PDE8B: variants seen among roughly 807,000 people sequenced by gnomAD.
PDE8B encodes phosphodiesterase 8B.
A neutral mutation model predicts 101.3 loss-of-function variants in PDE8B; 26 were observed. That is an observed-to-expected ratio of 0.26 (90% CI 0.19 to 0.36). The LOEUF is 0.36. Among genes scored for constraint, PDE8B ranks in the 10% least tolerant of loss-of-function variants. The pLI is 1.00. For synonymous variants in PDE8B, 424 were observed against 429.3 expected, an observed-to-expected ratio of 0.99 and a Z score of 0.15; for missense variants, 810 against 1,163.1, an observed-to-expected ratio of 0.70 and a Z score of 4.42.
chr5:77,147,936 G>A, the PDE8B span: 1 of 152,190 alleles, frequency 6.6e-6, no homozygotes, highest in African/African-American at 2.4e-5. Context: ...TCATTATGGA[G>A]CTAAACACAT....
intron 20 of PDE8B, among the ~76,000 whole-genome samples, chr5:77,423,157 C>T (rs1797050073): frequency 6.6e-6 from 1 of 152,194 alleles, no homozygotes; most frequent in Non-Finnish European, 1.5e-5. Context: ...TAATGGCCTC[C>T]AGCTCTAGCC....
chr5:77,377,278 A>T (rs1786316363), intron 10 of PDE8B, among the ~76,000 whole-genome samples: 1 of 152,212 alleles, frequency 6.6e-6, no homozygotes, highest in South Asian at 2.1e-4. Context: ...GAGAAGGCAA[A>T]GAGAACCAGC....
In PDE8B at chr5:77,290,783, G is replaced by A. The variant is rs556412902; in HGVS notation, c.340-21211G>A. On this transcript the variant is annotated intron_variant, in intron 1 of 21. Coordinates refer to ENST00000264917, the MANE Select transcript of PDE8B (RefSeq NM_003719.5). The stretch of plus-strand genomic sequence containing the variant: ...CGGCATTCAATTTCCCTGTGGCAGT[G>A]TATGGTTGGAACAACGCCATTGTCA... The A allele has an allele frequency of 8.8e-5, 131 of 1,483,070 alleles. 1 individual carries two copies. The South Asian group carries it at 1.4e-3, about 16-fold the overall frequency. 91.9% of individuals were successfully genotyped at this position (1,483,070 alleles called of 1,614,324 possible). A position where few individuals can be genotyped will look rare whatever the true frequency, so the allele number is the denominator to read the frequency against.
chr5:77,218,784 T>C (rs1470204535), intron 1 of PDE8B, among the ~76,000 whole-genome samples: 2 of 152,246 alleles, frequency 1.3e-5, no homozygotes, highest in East Asian at 3.8e-4. Flanking sequence ...AAATAGTAGC[T>C]GCTCTTATTT....
At chr5:77,151,847 T>G in the PDE8B span, 2 of 152,270 alleles carry the variant, frequency 1.3e-5, no homozygotes, top group Non-Finnish European at 2.9e-5. Flanking sequence ...TTTTAAAATT[T>G]CAGCCTATGC....
chr5:77,406,138 T>G (rs1793385701), intron 12 of PDE8B, among the ~76,000 whole-genome samples: 1 of 151,888 alleles, frequency 6.6e-6, no homozygotes, highest in Non-Finnish European at 1.5e-5. Context: ...AATACAAAAT[T>G]AGCTGGGTGT....
At chr5:77,183,312 G>C in the PDE8B span, among the ~76,000 whole-genome samples, 2 of 152,000 alleles carry the variant, frequency 1.3e-5, no homozygotes, top group Non-Finnish European at 2.9e-5. Context: ...TAGAGACAGG[G>C]TTTCACCATG....
the PDE8B span, among the ~76,000 whole-genome samples, chr5:77,122,983 T>C: frequency 6.6e-6 from 1 of 152,150 alleles, no homozygotes; most frequent in South Asian, 2.1e-4. Context: ...TTATACAAAG[T>C]GTTGTCATTG....
At chr5:77,099,906 G>C in the PDE8B span, among the ~76,000 whole-genome samples, 1 of 152,046 alleles carries the variant, frequency 6.6e-6, no homozygotes, top group Non-Finnish European at 1.5e-5. Context: ...CACAACGCCC[G>C]GCCCGGGGTG....
chr5:77,126,022 C>T, the PDE8B span, among the ~76,000 whole-genome samples: 2 of 152,208 alleles, frequency 1.3e-5, no homozygotes, highest in African/African-American at 4.8e-5. Context: ...CTCAGTGGCT[C>T]ACGCCTGTAA....
chr5:77,381,544 T>G (rs1787454099), intron 10 of PDE8B, among the ~76,000 whole-genome samples: 2 of 152,206 alleles, frequency 1.3e-5, no homozygotes, highest in South Asian at 4.1e-4. Flanking sequence ...CTTACTTGTT[T>G]GTTATTGTAC....
Position 77,246,192 on chromosome 5 carries a change from T to A in PDE8B, c.339+34928T>A, listed in dbSNP as rs1338658107. ...TTTCCTCCTCAATTGGTCATAATAT[T>A]AAAAAAAAATGCATTTTAGGTCATT... On this transcript the variant is annotated intron_variant, in intron 1 of 21. Transcript: ENST00000264917. Among the ~76,000 whole-genome samples, 5 of 151,284 alleles carry A rather than the reference T, an allele frequency of 3.3e-5. No individual in the cohort carries two copies. The South Asian group carries it at 6.3e-4, about 19-fold the overall frequency.
the PDE8B span, among the ~76,000 whole-genome samples, chr5:77,136,640 T>TG: frequency 6.6e-6 from 1 of 152,306 alleles, no homozygotes; most frequent in South Asian, 2.1e-4. Context: ...GCTTTGTCAA[T>TG]GGGAGAAACT....
chr5:77,378,054 T>C (rs1581348554), intron 10 of PDE8B, among the ~76,000 whole-genome samples: 1 of 127,970 alleles, frequency 7.8e-6, no homozygotes. Context: ...ACACACCCCC[T>C]GTTGGTTCTT....
At chr5:77,229,728 A>G (rs1054550599) in intron 1 of PDE8B, among the ~76,000 whole-genome samples, 3 of 152,180 alleles carry the variant, frequency 2.0e-5, no homozygotes, top group African/African-American at 4.8e-5. Context: ...TTCAGTTAGC[A>G]TGATGTTTCA....
At chr5:77,186,780 T>G in the PDE8B span, among the ~76,000 whole-genome samples, 1 of 152,132 alleles carries the variant, frequency 6.6e-6, no homozygotes, top group African/African-American at 2.4e-5. Flanking sequence ...CCTTCATCTT[T>G]GGCAACTATG....
At chr5:77,353,955 A>C (rs980487215) in intron 10 of PDE8B, among the ~76,000 whole-genome samples, 3 of 152,236 alleles carry the variant, frequency 2.0e-5, no homozygotes, top group Non-Finnish European at 2.9e-5. Context: ...CTATTTGATT[A>C]GTACTTTTAC....
intron 4 of PDE8B, 195 bp from the exon 5 acceptor site, chr5:77,331,207 T>G: frequency 1.4e-6 from 1 of 689,738 alleles, no homozygotes. Context: ...CTCTGCTGTT[T>G]TTGTTCTTTT....
chr5:77,365,300 T>C (rs1783920494), intron 10 of PDE8B, among the ~76,000 whole-genome samples: 1 of 152,210 alleles, frequency 6.6e-6, no homozygotes, highest in Admixed American at 6.5e-5. Context: ...TCTGATGTAC[T>C]GCTGAGGGTG....
Sources: gnomAD v4.1 joint callset for allele counts (sites outside exome capture counted in the v4.1 genomes callset) on GRCh38, gnomAD v4.1.1 for gene constraint, MANE v1.5 for transcripts, NCBI Gene and HGNC (gene_info 2026-07-23, HGNC 2026-07-21) for gene names.